Variants in SERTM2 observed in about 807,000 individuals in gnomAD.
The protein encoded by SERTM2 is serine-rich and transmembrane domain-containing protein 2.
At chrX:111,517,320 G>T (rs1357323804) in intron 2 of SERTM2, among the ~76,000 whole-genome samples, 1 of 111,556 alleles carries the variant, frequency 9.0e-6, no homozygotes, top group Non-Finnish European at 1.9e-5. Flanking sequence ...TTAAACTTAG[G>T]ATTCCTTTGT....
rs1287314487 is a variant in SERTM2 at position 111,517,692 on chromosome X, G to A, written c.-783-383G>A. Among the ~76,000 whole-genome samples, 11 of 108,980 alleles carry A rather than the reference G, an allele frequency of 1.0e-4. No individual in the cohort carries two copies. In the Admixed American group the frequency reaches 1.1e-3, roughly 11 times the overall value. The allele number at this position is 108,980 out of a possible 115,157, so 94.6% of individuals were successfully genotyped here. Reference sequence around the variant, plus strand: ...GTGGCTATTTTTTTTTTTAATAGCAGTGCTTGGGTCCCATCCCAGACCAAT... The same window carrying A: ...GTGGCTATTTTTTTTTTTAATAGCAATGCTTGGGTCCCATCCCAGACCAAT... On this transcript the variant is annotated intron_variant, in intron 2 of 2. Transcript: ENST00000569275.
chrX:111,513,410 G>A (rs951722219), intron 2 of SERTM2, among the ~76,000 whole-genome samples: 2 of 111,343 alleles, frequency 1.8e-5, no homozygotes, highest in African/African-American at 3.3e-5. Flanking sequence ...AGAACTGCAG[G>A]ATACTAAAAT....
intron 2 of SERTM2, among the ~76,000 whole-genome samples, chrX:111,514,277 AC>A (rs1169410573): frequency 1.8e-5 from 2 of 111,529 alleles, no homozygotes; most frequent in Admixed American, 1.9e-4. Context: ...TCTTCATCAT[AC>A]CCATGCATTT....
At chrX:111,513,086 C>G (rs1314421157) in intron 2 of SERTM2, among the ~76,000 whole-genome samples, 3 of 110,056 alleles carry the variant, frequency 2.7e-5, no homozygotes, top group Admixed American at 9.7e-5. Flanking sequence ...TTTTCCCTTT[C>G]CCCCAAACTT....
intron 2 of SERTM2, among the ~76,000 whole-genome samples, chrX:111,515,591 G>C (rs1349105406): frequency 9.0e-6 from 1 of 111,579 alleles, no homozygotes; most frequent in Non-Finnish European, 1.9e-5. Flanking sequence ...AAGCAATACA[G>C]ATGTTCATGC....
chrX:111,517,411 T>C (rs918517541), intron 2 of SERTM2, among the ~76,000 whole-genome samples: 1 of 111,450 alleles, frequency 9.0e-6, no homozygotes, highest in Non-Finnish European at 1.9e-5. Flanking sequence ...GAAAAGACTT[T>C]ATTGCTTTTC....
intron 2 of SERTM2, among the ~76,000 whole-genome samples, chrX:111,513,663 G>A (rs986506431): frequency 1.8e-5 from 2 of 111,319 alleles, no homozygotes; most frequent in East Asian, 2.8e-4. Context: ...AATATCTAAC[G>A]TTGCATTTAT....
At position 111,520,978 on chromosome X, in the gene SERTM2, C is replaced by T. The variant is rs911910457; in HGVS notation, c.*1848C>T. 9.0e-6 allele frequency: 1 copy of T among 111,424 alleles called. No homozygotes were observed. Among genetic ancestry groups the T allele is most frequent in the Non-Finnish European group, 1.9e-5 (1 of 53,089 alleles). The allele number at this position is 111,424 out of a possible 1,213,427, so 9.2% of individuals were successfully genotyped here. ...ATGGACTTCCTCAAGACTGGCAACA[C>T]CCCCCCTCCAGAACTTCTTAAGAAC... On this transcript the variant is annotated 3_prime_UTR_variant, in exon 3 of 3. Coordinates refer to ENST00000569275, the MANE Select transcript of SERTM2 (RefSeq NM_001354473.2).
Position 111,519,180 on chromosome X carries a change from G to T in SERTM2, c.*50G>T. 1 of 296,512 alleles carries T rather than the reference G, an allele frequency of 3.4e-6. No homozygotes were observed. Among genetic ancestry groups the T allele is most frequent in the South Asian group, 2.2e-4 (1 of 4,627 alleles). 24.4% of individuals were successfully genotyped at this position (296,512 alleles called of 1,213,427 possible). On this transcript the variant is annotated 3_prime_UTR_variant, in exon 3 of 3. Transcript: ENST00000569275. ...TGGATCTGGGTAAACCCTTATATAT[G>T]GATGTCCAGGAGAGCTTGCTTTCTT...
At chrX:111,513,097 CTCT>C (rs1415173363) in intron 2 of SERTM2, among the ~76,000 whole-genome samples, 1 of 110,090 alleles carries the variant, frequency 9.1e-6, no homozygotes, top group Non-Finnish European at 1.9e-5. Flanking sequence ...CCCCAAACTT[CTCT>C]TCCTCTTTTT....
rs1314371684 is a variant in SERTM2 at position 111,520,387 on chromosome X, G to A, written c.*1257G>A. ...ACTGGTCATATTCTTGCCACCAAAG[G>A]ACGAGTACACCTGTGTTAAATTTTA... On this transcript the variant is annotated 3_prime_UTR_variant, in exon 3 of 3. Coordinates refer to ENST00000569275, the MANE Select transcript of SERTM2 (RefSeq NM_001354473.2). 1 of 111,488 alleles carries A rather than the reference G, an allele frequency of 9.0e-6. No individual in the cohort carries two copies. Among genetic ancestry groups the A allele is most frequent in the Non-Finnish European group, 1.9e-5 (1 of 53,089 alleles). 9.2% of individuals were successfully genotyped at this position (111,488 alleles called of 1,213,427 possible). A position where few individuals can be genotyped will look rare whatever the true frequency, so the allele number is the denominator to read the frequency against.
At position 111,520,667 on chromosome X, in the gene SERTM2, G is replaced by A. The variant is rs1930397131; in HGVS notation, c.*1537G>A. 1.8e-5 allele frequency: 2 copies of A among 111,532 alleles called. No homozygotes were observed. Among genetic ancestry groups the A allele is most frequent in the Non-Finnish European group, 1.9e-5 (1 of 53,127 alleles). The allele number at this position is 111,532 out of a possible 1,213,427, so 9.2% of individuals were successfully genotyped here. On this transcript the variant is annotated 3_prime_UTR_variant, in exon 3 of 3. Transcript: ENST00000569275. The stretch of plus-strand genomic sequence containing the variant: ...CTTTTATACACAGTCATTTGTCAAT[G>A]CTCCTCTCTCCAAGGGGCTGCAAGT...
At chrX:111,514,608 A>G (rs1930279093) in intron 2 of SERTM2, among the ~76,000 whole-genome samples, 1 of 111,199 alleles carries the variant, frequency 9.0e-6, no homozygotes, top group Non-Finnish European at 1.9e-5. Context: ...TGAGCATTAC[A>G]GTTTTATTGG....
Position 111,516,808 on chromosome X carries a change from G to A in SERTM2, c.-783-1267G>A, listed in dbSNP as rs1382945056. Among the ~76,000 whole-genome samples, 5 of 111,348 alleles carry A rather than the reference G, an allele frequency of 4.5e-5. No homozygotes were observed. The East Asian group carries it at 1.4e-3, about 31-fold the overall frequency. Reference sequence around the variant, plus strand: ...CCAAGCTGGGGGCAAAATTCAATATGATAGGAAAAATAATGTGACCGTTGG... The same window carrying A: ...CCAAGCTGGGGGCAAAATTCAATATAATAGGAAAAATAATGTGACCGTTGG... On this transcript the variant is annotated intron_variant, in intron 2 of 2. Coordinates refer to ENST00000569275, the MANE Select transcript of SERTM2 (RefSeq NM_001354473.2).
intron 2 of SERTM2, among the ~76,000 whole-genome samples, chrX:111,516,769 A>G (rs1262280905): frequency 2.7e-5 from 3 of 111,438 alleles, no homozygotes; most frequent in Non-Finnish European, 3.8e-5. Context: ...TACAAACTTT[A>G]AGCTGAAGTG....
intron 2 of SERTM2, among the ~76,000 whole-genome samples, 179 bp downstream of exon 2, chrX:111,512,273 GT>G (rs1350978924): frequency 8.9e-6 from 1 of 111,971 alleles, no homozygotes; most frequent in Non-Finnish European, 1.9e-5. Context: ...TGCTGGAATC[GT>G]TTTTTCACAG....
intron 2 of SERTM2, among the ~76,000 whole-genome samples, chrX:111,516,197 C>T (rs149061630): frequency 4.8e-5 from 5 of 104,466 alleles, no homozygotes; most frequent in African/African-American, 1.4e-4. Context: ...TGCTTGTATG[C>T]CTCTGTCTTC....
Position 111,518,678 on chromosome X carries a change from A to G in SERTM2, c.-180A>G, listed in dbSNP as rs958055188. ...GCTGAAGGATAGAGAGGGTGTTGCA[A>G]TTGTCAAATAGCATCACCATTTTCT... On this transcript the variant is annotated 5_prime_UTR_variant, in exon 3 of 3. Transcript: ENST00000569275. The G allele has an allele frequency of 9.2e-5, 27 of 292,937 alleles. No homozygotes were observed. The Admixed American group carries it at 1.6e-3, about 17-fold the overall frequency. 24.1% of individuals were successfully genotyped at this position (292,937 alleles called of 1,213,427 possible).
rs2147487578 is a variant in SERTM2, at chrX:111,511,824, A to G, written c.-891A>G. The G allele has an allele frequency of 3.7e-6, 1 of 269,502 alleles. No individual in the cohort carries two copies. Among genetic ancestry groups the G allele is most frequent in the East Asian group, 5.2e-5 (1 of 19,048 alleles). The allele number at this position is 269,502 out of a possible 1,213,427, so 22.2% of individuals were successfully genotyped here. A position where few individuals can be genotyped will look rare whatever the true frequency, so the allele number is the denominator to read the frequency against. On this transcript the variant is annotated 5_prime_UTR_variant, in exon 1 of 3. Coordinates refer to ENST00000569275, the MANE Select transcript of SERTM2 (RefSeq NM_001354473.2). The stretch of plus-strand genomic sequence containing the variant: ...ATAAGGAGCAGGCATCTGAAGCTGC[A>G]CTCTGAAGCTGTAAGTGGTAACTGA...
Sources: allele counts gnomAD v4.1 joint callset (sites outside exome capture counted in the v4.1 genomes callset), GRCh38; gene constraint gnomAD v4.1.1; transcripts MANE v1.5; gene names NCBI Gene and HGNC (gene_info 2026-07-23, HGNC 2026-07-21).